NUP133: variants seen among roughly 807,000 people sequenced by gnomAD.
The protein encoded by NUP133 is nuclear pore complex protein Nup133.
NUP133 carries 66 observed loss-of-function variants against 146.2 expected under a neutral mutation model. The ratio of observed to expected loss-of-function variants is 0.45; its 90% CI spans 0.37 to 0.55. NUP133 has a LOEUF of 0.55. Among genes scored for constraint, NUP133 ranks in the 20% least tolerant of loss-of-function variants. The probability of loss-of-function intolerance (pLI) is 0.00; values close to 1 mark genes in which losing one functional copy is unlikely to be tolerated. For missense variants in NUP133, 1,277 were observed against 1,374.8 expected (o/e 0.93, Z 1.12); for synonymous variants, 521 against 498.8 (o/e 1.04, Z -0.59).
chr1:229,466,510 G>T, intron 16 of NUP133, 124 bp downstream of exon 16: 3 of 936,996 alleles, frequency 3.2e-6, no homozygotes, highest in African/African-American at 1.6e-5. Flanking sequence ...AACTTTTTTG[G>T]GATTAACAAA....
intron 11 of NUP133, among the ~76,000 whole-genome samples, chr1:229,484,622 A>G (rs1233164678): frequency 6.6e-6 from 1 of 152,214 alleles, no homozygotes. Flanking sequence ...TAATTAACAG[A>G]ATCTTTTTAT....
At chr1:229,502,771 G>A (rs1393455718) in intron 2 of NUP133, among the ~76,000 whole-genome samples, 1 of 149,858 alleles carries the variant, frequency 6.7e-6, no homozygotes, top group African/African-American at 2.5e-5. Context: ...AGGCCAGCCT[G>A]GGCAACATAG....
intron 14 of NUP133, among the ~76,000 whole-genome samples, chr1:229,474,683 A>G (rs1046200905): frequency 2.6e-5 from 4 of 152,208 alleles, no homozygotes; most frequent in Middle Eastern, 3.2e-3. Context: ...CCCACTAGAC[A>G]TCACACTAGG....
At chr1:229,463,355 C>T (rs1279521739) in intron 19 of NUP133, among the ~76,000 whole-genome samples, 188 bp downstream of exon 19, 2 of 152,132 alleles carry the variant, frequency 1.3e-5, no homozygotes. Flanking sequence ...CTGTCGTGAA[C>T]TGTGATCTCG....
intron 25 of NUP133, among the ~76,000 whole-genome samples, chr1:229,443,739 T>C (rs1660236213): frequency 6.9e-6 from 1 of 144,714 alleles, no homozygotes; most frequent in African/African-American, 2.6e-5. Context: ...TTTTTTTTTT[T>C]TTTTTTTGAG....
chr1:229,449,246 T>C, intron 23 of NUP133, 56 bp from the exon 24 acceptor site: 1 of 1,128,634 alleles, frequency 8.9e-7, no homozygotes. Flanking sequence ...AAGAAATACA[T>C]GCCTAAATTT....
At chr1:229,504,325 C>G (rs1410076324) in intron 2 of NUP133, among the ~76,000 whole-genome samples, 2 of 151,986 alleles carry the variant, frequency 1.3e-5, no homozygotes, top group African/African-American at 4.8e-5. Flanking sequence ...TTTTGGTCAC[C>G]CCTACAATTT....
Position 229,502,034 on chromosome 1 carries a change from T to C in NUP133, c.370A>G (p.Ile124Val), listed in dbSNP as rs774230082. The C allele has an allele frequency of 3.1e-6, 5 of 1,613,944 alleles. No individual in the cohort carries two copies. In the South Asian group the frequency reaches 5.5e-5, roughly 18 times the overall value. ...GGTGACAGAGCAATCTTCCAAATAA[T>C]GAGCTTCTCTTTGCACACCAGACAA... Reference protein sequence around the residue: ...WACLVCKEKLIIWKIALSPIT... With the variant: ...WACLVCKEKLVIWKIALSPIT... The change falls in exon 3 of 26, where the codon ATT becomes GTT. Residue 124 changes from isoleucine (I) to valine (V), a missense_variant. Coordinates refer to ENST00000261396, the MANE Select transcript of NUP133 (RefSeq NM_018230.3).
At chr1:229,451,620 C>G (rs1660451351) in intron 22 of NUP133, among the ~76,000 whole-genome samples, 1 of 150,388 alleles carries the variant, frequency 6.6e-6, no homozygotes, top group South Asian at 2.1e-4. Context: ...CTTCCTTTCC[C>G]AAAAACTATA....
At chr1:229,447,022 G>A (rs1014479370) in intron 24 of NUP133, among the ~76,000 whole-genome samples, 1 of 152,056 alleles carries the variant, frequency 6.6e-6, no homozygotes, top group African/African-American at 2.4e-5. Context: ...TACTCGGGAG[G>A]TTGAAGCAGG....
chr1:229,451,912 T>C (rs568986438), intron 22 of NUP133, among the ~76,000 whole-genome samples: 3 of 152,340 alleles, frequency 2.0e-5, no homozygotes, highest in Admixed American at 2.0e-4. Flanking sequence ...AAATTAAATA[T>C]ATATTCTATC....
At chr1:229,448,670 A>G (rs10799531) in intron 24 of NUP133, 34,129 of 169,530 alleles carry the variant, frequency 0.2, 3,837 homozygotes, top group African/African-American at 0.29. Flanking sequence ...CTTGCCCCAA[A>G]TTGTTTCTTG....
rs1430755206 is a variant in NUP133 at position 229,440,624 on chromosome 1, TTACGA to T, written c.*1275_*1279del. ...CTCCACGTAAAAGCAAAGCCTCATCTTACGATACAAGTACTCAGCGGTTTCTTACT... is the reference window on the plus strand; with the variant it reads ...CTCCACGTAAAAGCAAAGCCTCATCTTACAAGTACTCAGCGGTTTCTTACT... On this transcript the variant is annotated 3_prime_UTR_variant, in exon 26 of 26. Transcript: ENST00000261396. 5 of 152,418 alleles carry T rather than the reference TTACGA, an allele frequency of 3.3e-5. No homozygotes were observed. The highest frequency in any genetic ancestry group is 1.2e-4 in the African/African-American group (5 of 41,588). The allele number at this position is 152,418 out of a possible 1,614,324, so 9.4% of individuals were successfully genotyped here.
chr1:229,448,735 C>A, intron 24 of NUP133: 1 of 211,200 alleles, frequency 4.7e-6, no homozygotes, highest in South Asian at 7.9e-5. Context: ...CTGGTAACAA[C>A]ACCCTTTATA....
At position 229,487,598 on chromosome 1, in the gene NUP133, A is replaced by G. The variant is rs1400658395; in HGVS notation, c.1210T>C (p.Leu404=). Reference sequence around the variant, plus strand: ...AAGTTTGGGACCGTCAACTGACACAAAATCAGGTCTTCAGACTGAAAGTTA... The same window carrying G: ...AAGTTTGGGACCGTCAACTGACACAGAATCAGGTCTTCAGACTGAAAGTTA... ...NPPFQSEDLI[L]CQLTVPNFSN... The change falls in exon 10 of 26, where the codon TTG becomes CTG. Residue 404 remains leucine, a synonymous_variant. Coordinates refer to ENST00000261396, the MANE Select transcript of NUP133 (RefSeq NM_018230.3). 1.2e-6 allele frequency: 2 copies of G among 1,607,910 alleles called. No individual in the cohort carries two copies. The highest frequency in any genetic ancestry group is 1.7e-6 in the Non-Finnish European group (2 of 1,178,388).
At chr1:229,492,924 A>T (rs983120535) in intron 8 of NUP133, among the ~76,000 whole-genome samples, 26 of 151,756 alleles carry the variant, frequency 1.7e-4, no homozygotes, top group East Asian at 1.6e-3. Context: ...TAAAAATTTA[A>T]AAAAAAAATC....
intron 5 of NUP133, among the ~76,000 whole-genome samples, chr1:229,498,602 A>T (rs1354737471): frequency 6.6e-6 from 1 of 152,106 alleles, no homozygotes; most frequent in Non-Finnish European, 1.5e-5. Context: ...TTAAAAATAC[A>T]AAAATTAGCT....
At chr1:229,507,058 C>A (rs1352694061) in intron 1 of NUP133, among the ~76,000 whole-genome samples, 1 of 152,090 alleles carries the variant, frequency 6.6e-6, no homozygotes, top group African/African-American at 2.4e-5. Context: ...GGCTTTGTTT[C>A]CTGACAGAGG....
rs372362492 is a variant in NUP133, at chr1:229,472,707, C to CATATATATATATATATATATATAT, written c.1852-1904_1852-1903insATATATATATATATATATATATAT. Among the ~76,000 whole-genome samples the CATATATATATATATATATATATAT allele has an allele frequency of 7.6e-3, 945 of 123,898 alleles. 26 individuals carry two copies. Among genetic ancestry groups the CATATATATATATATATATATATAT allele is most frequent in the African/African-American group, 9.4e-3 (300 of 31,878 alleles). The allele number at this position is 123,898 out of a possible 152,430, so 81.3% of individuals were successfully genotyped here. Reference sequence around the variant, plus strand: ...CAAAAAAATTAAAAAACTAAATATACATATATATATATATATATATGTACA... The same window carrying CATATATATATATATATATATATAT: ...CAAAAAAATTAAAAAACTAAATATACATATATATATATATATATATATATATATATATATATATATATATGTACA... On this transcript the variant is annotated intron_variant, in intron 14 of 25. Coordinates refer to ENST00000261396, the MANE Select transcript of NUP133 (RefSeq NM_018230.3).
Sources: gnomAD v4.1 joint callset for allele counts (sites outside exome capture counted in the v4.1 genomes callset) on GRCh38, gnomAD v4.1.1 for gene constraint, MANE v1.5 for transcripts, NCBI Gene and HGNC (gene_info 2026-07-23, HGNC 2026-07-21) for gene names.